The following KDM3B variants were observed in gnomAD, a reference collection of about 807,000 sequenced individuals.
KDM3B encodes lysine-specific demethylase 3B.
KDM3B carries 10 observed loss-of-function variants against 170.0 expected under a neutral mutation model. The observed-to-expected ratio is 0.06, with a 90% confidence interval of 0.04 to 0.10. KDM3B has a LOEUF of 0.10. Ranked by LOEUF, KDM3B falls within the 10% of genes least tolerant of loss-of-function variation. The probability of loss-of-function intolerance (pLI) is 1.00; values close to 1 mark genes in which losing one functional copy is unlikely to be tolerated. For missense variants in KDM3B, 1,394 were observed against 2,195.2 expected, an observed-to-expected ratio of 0.64 and a Z score of 7.29; for synonymous variants, 831 against 834.8, an observed-to-expected ratio of 1.00 and a Z score of 0.08.
Position 138,391,451 on chromosome 5 carries a change from C to T in KDM3B, c.1819C>T (p.Arg607Trp), listed in dbSNP as rs543390273. ...SMPTLTPAFP[R>W]SLLNARTPEN... Reference sequence around the variant, plus strand: ...GCCCACCCTCACTCCAGCCTTCCCACGGAGCCTCCTAAATGCCCGTACCCC... The same window carrying T: ...GCCCACCCTCACTCCAGCCTTCCCATGGAGCCTCCTAAATGCCCGTACCCC... The change falls in exon 8 of 24, where the codon CGG (arginine) becomes TGG (tryptophan). Residue 607 changes from arginine (R) to tryptophan (W), a missense_variant. Arg to Trp is a moderately radical substitution (Grantham distance 101). Transcript: ENST00000314358. This position sits in a 1 kb window ranked among gnomAD's most constrained non-coding sequence, Gnocchi z 5.0. The T allele has an allele frequency of 9.3e-6, 15 of 1,614,080 alleles. No individual in the cohort carries two copies. The highest frequency in any genetic ancestry group is 4.5e-5 in the East Asian group (2 of 44,880).
chr5:138,418,084 T>TC (rs998074088), intron 13 of KDM3B: 1 of 149,024 alleles, frequency 6.7e-6, no homozygotes, highest in African/African-American at 2.5e-5. Flanking sequence ...GGTTTTTTTT[T>TC]TTTTTTTTTT....
At chr5:138,398,598 A>T (rs963383068) in intron 10 of KDM3B, among the ~76,000 whole-genome samples, 2 of 152,138 alleles carry the variant, frequency 1.3e-5, no homozygotes, top group African/African-American at 4.8e-5. Flanking sequence ...GCAATTAACA[A>T]ACCAAATACT....
chr5:138,430,199 C>T, intron 21 of KDM3B, 50 bp from the exon 22 acceptor site: 1 of 1,589,452 alleles, frequency 6.3e-7, no homozygotes, highest in South Asian at 1.1e-5. Context: ...TGGATTTATG[C>T]TGTTAATGAT....
At chr5:138,428,167 C>A in intron 20 of KDM3B, 81 bp downstream of exon 20, 1 of 1,343,438 alleles carries the variant, frequency 7.4e-7, no homozygotes, top group Non-Finnish European at 1.0e-6. Context: ...TCCTTAGGGC[C>A]AGTGGCTTTT....
At chr5:138,431,378 G>A in intron 22 of KDM3B, 47 bp from the exon 23 acceptor site, 1 of 1,446,244 alleles carries the variant, frequency 6.9e-7, no homozygotes, top group Non-Finnish European at 9.3e-7. Flanking sequence ...ATATGTTATT[G>A]AATCTCTAAT....
At chr5:138,390,095 G>A (rs1382471407) in intron 7 of KDM3B, among the ~76,000 whole-genome samples, 1 of 151,974 alleles carries the variant, frequency 6.6e-6, no homozygotes, top group African/African-American at 2.4e-5. Context: ...TCCAGACCTC[G>A]TGATCCGCCC....
rs1761356125 is a variant in KDM3B at position 138,352,692 on chromosome 5, G to A, written c.-104G>A. The A allele has an allele frequency of 2.2e-6, 2 of 927,530 alleles. No homozygotes were observed. The highest frequency in any genetic ancestry group is 5.2e-5 in the South Asian group (1 of 19,340). The allele number at this position is 927,530 out of a possible 1,614,324, so 57.5% of individuals were successfully genotyped here. ...GTTGGGGGGGGTGGGGGGGAACGGC[G>A]GCCGCGGGTGGTGCGGAGGGAGGCC... On this transcript the variant is annotated 5_prime_UTR_variant, in exon 1 of 24. Coordinates refer to ENST00000314358, the MANE Select transcript of KDM3B (RefSeq NM_016604.4).
chr5:138,415,618 A>ATT (rs35447880), intron 12 of KDM3B, among the ~76,000 whole-genome samples: 1 of 143,282 alleles, frequency 7.0e-6, no homozygotes, highest in African/African-American at 2.6e-5. Flanking sequence ...TTTAATTTAA[A>ATT]TTTTTTTTTT....
chr5:138,374,305 C>T (rs1580888146), intron 2 of KDM3B: 2 of 442,658 alleles, frequency 4.5e-6, no homozygotes, highest in East Asian at 7.8e-5. Flanking sequence ...TCTTGTTGCT[C>T]AGGCTGGAGT....
rs778843564 is a variant in KDM3B at position 138,398,182 on chromosome 5, A to G, written c.2836A>G (p.Ile946Val). The G allele has an allele frequency of 6.2e-7, 1 of 1,610,624 alleles. No individual in the cohort carries two copies. Among genetic ancestry groups the G allele is most frequent in the Non-Finnish European group, 8.5e-7 (1 of 1,177,726 alleles). ...ACRFFHFRRL[I>V]FTRKGVLRVE... Reference sequence around the variant, plus strand: ...ATGTATTTGATCATGTCTCAGGTTGATCTTCACTCGAAAAGGGGTACTCCG... The same window carrying G: ...ATGTATTTGATCATGTCTCAGGTTGGTCTTCACTCGAAAAGGGGTACTCCG... The change falls in exon 10 of 24, where the codon ATC (isoleucine) becomes GTC (valine). Residue 946 changes from isoleucine (I) to valine (V), a missense_variant. Physicochemically the swap from Ile to Val is conservative, Grantham distance 29. Coordinates refer to ENST00000314358, the MANE Select transcript of KDM3B (RefSeq NM_016604.4).
chr5:138,389,323 G>A (rs1372820738), intron 7 of KDM3B, among the ~76,000 whole-genome samples: 1 of 152,206 alleles, frequency 6.6e-6, no homozygotes, highest in Non-Finnish European at 1.5e-5. Context: ...ACGTCTCTAT[G>A]CTACTCCTCA....
intron 7 of KDM3B, among the ~76,000 whole-genome samples, chr5:138,386,835 GAATCAAAAACTGATGATACAACCT>G (rs1313288078): frequency 6.6e-6 from 1 of 152,182 alleles, no homozygotes; most frequent in Non-Finnish European, 1.5e-5. Flanking sequence ...ACAGTTGGGT[GAATCAAAAACTGATGATACAACCT>G]AATTTAAAGA....
At position 138,410,085 on chromosome 5, in the gene KDM3B, TAAAAG is replaced by T. The variant is rs1762922000; in HGVS notation, c.3200-5042_3200-5038del. Among the ~76,000 whole-genome samples the T allele has an allele frequency of 4.4e-5, 6 of 135,268 alleles. No homozygotes were observed. In the South Asian group the frequency reaches 1.5e-3, roughly 34 times the overall value. 88.7% of individuals were successfully genotyped at this position (135,268 alleles called of 152,430 possible). A position where few individuals can be genotyped will look rare whatever the true frequency, so the allele number is the denominator to read the frequency against. ...CTGGGCAATGAGCGAAACTCCTTCTTAAAAGAAAAAAAGAAAAGAAAAGAAAAGAA... is the reference window on the plus strand; with the variant it reads ...CTGGGCAATGAGCGAAACTCCTTCTTAAAAAAAGAAAAGAAAAGAAAAGAA... On this transcript the variant is annotated intron_variant, in intron 11 of 23. Transcript: ENST00000314358.
intron 23 of KDM3B, among the ~76,000 whole-genome samples, chr5:138,435,353 A>T (rs531363122): frequency 6.6e-6 from 1 of 152,366 alleles, no homozygotes; most frequent in Non-Finnish European, 1.5e-5. Context: ...GCAAAGGTCC[A>T]CATAAAGAGC....
At chr5:138,355,936 G>A (rs1403273904) in intron 1 of KDM3B, among the ~76,000 whole-genome samples, 1 of 152,102 alleles carries the variant, frequency 6.6e-6, no homozygotes, top group Non-Finnish European at 1.5e-5. Flanking sequence ...ACATTCAACC[G>A]TATACAAAGA....
At position 138,423,931 on chromosome 5, in the gene KDM3B, A is replaced by G. The variant is rs548667806; in HGVS notation, c.3973-144A>G. ...GATGTTGACTTATTATCCCCCTTCCAGTTGTAAAAGACATTTTAATAATTT... is the reference window on the plus strand; with the variant it reads ...GATGTTGACTTATTATCCCCCTTCCGGTTGTAAAAGACATTTTAATAATTT... On this transcript the variant is annotated intron_variant, in intron 15 of 23. Transcript: ENST00000314358. 107 of 697,386 alleles carry G rather than the reference A, an allele frequency of 1.5e-4. 1 individual carries two copies. In the Middle Eastern group the frequency reaches 2.7e-3, roughly 17 times the overall value. 43.2% of individuals were successfully genotyped at this position (697,386 alleles called of 1,614,324 possible). A position where few individuals can be genotyped will look rare whatever the true frequency, so the allele number is the denominator to read the frequency against.
At position 138,428,217 on chromosome 5, in the gene KDM3B, G is replaced by C. The variant is rs1400198811; in HGVS notation, c.4753+131G>C. ...TTTTCTTTTTTCTGTTTTTTTTTTT[G>C]GGGGGCGGGGAGGCAGAGTCTCGCT... is the stretch of plus-strand genomic sequence containing the variant. On this transcript the variant is annotated intron_variant, in intron 20 of 23. Transcript: ENST00000314358. 4 of 740,294 alleles carry C rather than the reference G, an allele frequency of 5.4e-6. No homozygotes were observed. The African/African-American group carries it at 9.2e-5, about 17-fold the overall frequency. The allele number at this position is 740,294 out of a possible 1,614,324, so 45.9% of individuals were successfully genotyped here. A position where few individuals can be genotyped will look rare whatever the true frequency, so the allele number is the denominator to read the frequency against.
chr5:138,396,754 A>C (rs1762557642), intron 9 of KDM3B, among the ~76,000 whole-genome samples: 1 of 152,054 alleles, frequency 6.6e-6, no homozygotes, highest in Non-Finnish European at 1.5e-5. Context: ...CAAGGTCCTC[A>C]CAGGGGAAGT....
intron 1 of KDM3B, among the ~76,000 whole-genome samples, chr5:138,362,682 A>T (rs1761643298): frequency 6.7e-6 from 1 of 149,188 alleles, no homozygotes; most frequent in Admixed American, 6.7e-5. Flanking sequence ...TTGTTATATA[A>T]TTATTTCTAT....
Sources: allele counts gnomAD v4.1 joint callset (sites outside exome capture counted in the v4.1 genomes callset), GRCh38; gene constraint gnomAD v4.1.1; non-coding constraint Gnocchi (gnomAD v3.1); transcripts MANE v1.5; gene names NCBI Gene and HGNC (gene_info 2026-07-23, HGNC 2026-07-21).